Variants in NAA20 observed in about 807,000 individuals in gnomAD.
NAA20 encodes the protein N-alpha-acetyltransferase 20, NatB catalytic subunit, also known as N-alpha-acetyltransferase 20.
Under a neutral mutation model 23.8 loss-of-function variants are expected in NAA20, and 24 were observed. The observed-to-expected ratio is 1.01, with a 90% CI of 0.73 to 1.42. The LOEUF (loss-of-function observed/expected upper bound fraction) is 1.42, where lower values mean the gene tolerates loss of function less well. NAA20 is among the 40% of genes most tolerant of loss of function. NAA20 has a pLI of 0.00. For synonymous variants in NAA20, 83 were observed against 77.7 expected, an observed-to-expected ratio of 1.07 and a Z score of -0.36; for missense variants, 166 against 223.1, an observed-to-expected ratio of 0.74 and a Z score of 1.63.
intron 2 of NAA20, among the ~76,000 whole-genome samples, chr20:20,024,165 T>C (rs2043291529): frequency 6.6e-6 from 1 of 152,238 alleles, no homozygotes; most frequent in Non-Finnish European, 1.5e-5. Flanking sequence ...CCCTGAGTTA[T>C]ACCATTACAA....
At chr20:20,031,070 C>T (rs780464548) in intron 4 of NAA20, among the ~76,000 whole-genome samples, 1 of 152,170 alleles carries the variant, frequency 6.6e-6, no homozygotes, top group Non-Finnish European at 1.5e-5. Context: ...AATGTAATTG[C>T]AGTCAAAATC....
chr20:20,018,129 A>AG (rs2043244150), intron 1 of NAA20: 1 of 1,587,470 alleles, frequency 6.3e-7, no homozygotes, highest in Non-Finnish European at 8.6e-7. Flanking sequence ...ATCTTAGGGG[A>AG]GGCTCGCTGT....
intron 1 of NAA20, among the ~76,000 whole-genome samples, chr20:20,021,029 T>G (rs2043263569): frequency 3.6e-4 from 5 of 13,962 alleles, no homozygotes; most frequent in South Asian, 5.7e-3. Flanking sequence ...TGTGCGTGGG[T>G]TCGGTGGGCG....
At chr20:20,017,357 G>C (rs373655518), upstream of NAA20, 2 of 1,608,938 alleles carry the variant, frequency 1.2e-6, no homozygotes, top group Admixed American at 1.7e-5. Context: ...GGGCGGGCGC[G>C]GGGTCTTGGC....
chr20:20,022,519 T>C, intron 2 of NAA20, 39 bp downstream of exon 2: 1 of 1,488,926 alleles, frequency 6.7e-7, no homozygotes, highest in Non-Finnish European at 9.1e-7. Context: ...TGAATGAAGA[T>C]TTACTGAGAA....
intron 2 of NAA20, among the ~76,000 whole-genome samples, chr20:20,024,624 C>G (rs1468394507): frequency 2.0e-5 from 3 of 152,144 alleles, no homozygotes; most frequent in Non-Finnish European, 2.9e-5. Context: ...CAGTGAAAGT[C>G]CCATAATCCA....
At chr20:20,022,277 G>A (rs1056248354) in intron 1 of NAA20, among the ~76,000 whole-genome samples, 179 bp from the exon 2 acceptor site, 16 of 152,222 alleles carry the variant, frequency 1.1e-4, no homozygotes, top group Admixed American at 4.6e-4. Flanking sequence ...GGCTGTGACA[G>A]CTTATTATGG....
At chr20:20,032,455 T>A (rs1015075958) in intron 4 of NAA20, 53 bp from the exon 5 acceptor site, 29 of 1,569,920 alleles carry the variant, frequency 1.8e-5, no homozygotes, top group Non-Finnish European at 2.5e-5. Context: ...TATCTATTAC[T>A]TTCTAGGGTT....
intron 2 of NAA20, among the ~76,000 whole-genome samples, chr20:20,024,050 T>C (rs1442384246): frequency 2.0e-5 from 3 of 152,220 alleles, no homozygotes; most frequent in African/African-American, 7.2e-5. Flanking sequence ...TTAATTTATA[T>C]TTTTTTCTGT....
chr20:20,028,599 C>A (rs1409213816), intron 4 of NAA20, among the ~76,000 whole-genome samples: 2 of 152,134 alleles, frequency 1.3e-5, no homozygotes, highest in African/African-American at 4.8e-5. Context: ...TCTTCCCTTC[C>A]AGTTTCTAAG....
intron 4 of NAA20, among the ~76,000 whole-genome samples, chr20:20,028,666 T>C (rs1472648494): frequency 6.6e-6 from 1 of 152,176 alleles, no homozygotes; most frequent in Non-Finnish European, 1.5e-5. Flanking sequence ...TGTAGGCATA[T>C]ATATACATAT....
At chr20:20,022,540 A>G (rs1432263242) in intron 2 of NAA20, 60 bp downstream of exon 2, 1 of 1,431,618 alleles carries the variant, frequency 7.0e-7, no homozygotes, top group Admixed American at 2.3e-5. Flanking sequence ...TAAAGAAAAC[A>G]GAAATGAAAG....
At chr20:20,031,243 T>A (rs1568749910) in intron 4 of NAA20, among the ~76,000 whole-genome samples, 6 of 152,214 alleles carry the variant, frequency 3.9e-5, no homozygotes, top group Admixed American at 2.6e-4. Context: ...GTGCTGTAGT[T>A]ATCTAGACCA....
chr20:20,017,791 C>A, intron 1 of NAA20: 1 of 1,444,682 alleles, frequency 6.9e-7, no homozygotes, highest in Admixed American at 2.7e-5. Flanking sequence ...GGAGACGCGG[C>A]CTGGAGCCCA....
intron 2 of NAA20, among the ~76,000 whole-genome samples, chr20:20,023,943 A>T (rs2043289382): frequency 6.6e-6 from 1 of 152,250 alleles, no homozygotes; most frequent in South Asian, 2.1e-4. Context: ...GAAGAAATAG[A>T]GGCAGTTTGT....
rs1419374731 is a variant in NAA20 at position 20,032,535 on chromosome 20, T to C, written c.333T>C (p.Phe111=). Residue 111 remains phenylalanine (F), a synonymous_variant, in exon 5 of 6, where the codon TTT becomes TTC. Transcript: ENST00000334982. The part of the protein sequence containing the change: ...ERKGGFFVDL[F]VRVSNQVAVN... Reference sequence around the variant, plus strand: ...AGGGTGGATTTTTTGTGGATCTCTTTGTAAGAGTATCTAACCAAGTTGCAG... The same window carrying C: ...AGGGTGGATTTTTTGTGGATCTCTTCGTAAGAGTATCTAACCAAGTTGCAG... 1 of 1,613,286 alleles carries C rather than the reference T, an allele frequency of 6.2e-7. No individual in the cohort carries two copies. Among genetic ancestry groups the C allele is most frequent in the Non-Finnish European group, 8.5e-7 (1 of 1,179,640 alleles).
At chr20:20,018,807 T>C (rs896260245) in intron 1 of NAA20, 1 of 752,700 alleles carries the variant, frequency 1.3e-6, no homozygotes, top group Non-Finnish European at 1.6e-6. Context: ...TTTGAGGTGC[T>C]GTCACCCCCA....
At chr20:20,023,361 C>T (rs142390993) in intron 2 of NAA20, among the ~76,000 whole-genome samples, 17 of 152,142 alleles carry the variant, frequency 1.1e-4, no homozygotes, top group African/African-American at 2.9e-4. Context: ...CACACAGGCC[C>T]GCTCTGTCTC....
At chr20:20,030,629 A>G (rs60959064) in intron 4 of NAA20, among the ~76,000 whole-genome samples, 1 of 152,098 alleles carries the variant, frequency 6.6e-6, no homozygotes, top group Admixed American at 6.5e-5. Flanking sequence ...TATAAAATCC[A>G]TAAGAATATA....
Sources: allele counts gnomAD v4.1 joint callset (sites outside exome capture counted in the v4.1 genomes callset), GRCh38; gene constraint gnomAD v4.1.1; transcripts MANE v1.5; gene names NCBI Gene and HGNC (gene_info 2026-07-23, HGNC 2026-07-21).